INPP4B: variants seen among roughly 807,000 people sequenced by gnomAD.
The protein encoded by INPP4B is inositol polyphosphate-4-phosphatase type II B.
INPP4B carries 55 observed loss-of-function variants against 122.5 expected under a neutral mutation model. That is an observed-to-expected ratio of 0.45 (90% CI 0.36 to 0.56). The LOEUF (loss-of-function observed/expected upper bound fraction) is 0.56. INPP4B is among the 20% of genes least tolerant of loss of function. The pLI is 0.00. For synonymous variants in INPP4B, 403 were observed against 388.7 expected (o/e 1.04, Z -0.43); for missense variants, 1,000 against 1,097.7 (o/e 0.91, Z 1.26).
intron 3 of INPP4B, among the ~76,000 whole-genome samples, chr4:142,433,058 T>C (rs747014816): frequency 1.3e-5 from 2 of 152,132 alleles, no homozygotes; most frequent in Non-Finnish European, 2.9e-5. Context: ...TTAGAGAGAA[T>C]GAAGTTAAAT....
chr4:142,192,354 A>AAAAAAAAAAAAAAG lies in INPP4B; in HGVS notation c.1181+732_1181+733insCTTTTTTTTTTTTT, dbSNP rs148371542. Among the ~76,000 whole-genome samples, 63 of 73,178 alleles carry AAAAAAAAAAAAAAG rather than the reference A, an allele frequency of 8.6e-4. 15 individuals carry two copies. Among genetic ancestry groups the AAAAAAAAAAAAAAG allele is most frequent in the East Asian group, 2.0e-3 (4 of 2,048 alleles). 48.0% of individuals were successfully genotyped at this position (73,178 alleles called of 152,430 possible). A position where few individuals can be genotyped will look rare whatever the true frequency, so the allele number is the denominator to read the frequency against. ...AAAGTAAAAAAAAAAAAAAAAAAAAATGGGATTCTTAAGAAGAATAACTAT... is the reference window on the plus strand; with the variant it reads ...AAAGTAAAAAAAAAAAAAAAAAAAAAAAAAAAAAAAAAAGTGGGATTCTTAAGAAGAATAACTAT... On this transcript the variant is annotated intron_variant, in intron 15 of 25. Coordinates refer to ENST00000262992, the MANE Select transcript of INPP4B (RefSeq NM_001101669.3).
At chr4:142,162,345 G>C (rs904936781) in intron 16 of INPP4B, among the ~76,000 whole-genome samples, 3 of 151,546 alleles carry the variant, frequency 2.0e-5, no homozygotes, top group Non-Finnish European at 4.4e-5. Context: ...AAATTGGCTA[G>C]ACAGTACTCA....
chr4:142,747,667 T>C (rs1287769248), intron 1 of INPP4B, among the ~76,000 whole-genome samples: 3 of 152,150 alleles, frequency 2.0e-5, no homozygotes, highest in Admixed American at 6.6e-5. Flanking sequence ...GTGGCACATA[T>C]ACAGCATGGA....
intron 2 of INPP4B, among the ~76,000 whole-genome samples, chr4:142,566,483 A>G (rs1418575546): frequency 6.6e-6 from 1 of 152,192 alleles, no homozygotes. Context: ...AAGGAATGTG[A>G]TCCTGTACTT....
chr4:142,737,140 G>C (rs1424266031), intron 1 of INPP4B, among the ~76,000 whole-genome samples: 1 of 152,134 alleles, frequency 6.6e-6, no homozygotes, highest in Non-Finnish European at 1.5e-5. Context: ...CCAAAAAAGA[G>C]CCTGCATTGC....
chr4:142,367,810 T>G (rs888698410), intron 7 of INPP4B, among the ~76,000 whole-genome samples: 1 of 152,172 alleles, frequency 6.6e-6, no homozygotes, highest in Non-Finnish European at 1.5e-5. Context: ...GTATGCAGTT[T>G]ATTTATTTGG....
At position 142,026,858 on chromosome 4, in the gene INPP4B, T is replaced by TAA. The variant is rs2152247442; in HGVS notation, c.*1922_*1923dup. The TAA allele has an allele frequency of 6.6e-6, 1 of 152,326 alleles. No individual in the cohort carries two copies. The highest frequency in any genetic ancestry group is 2.1e-4 in the South Asian group (1 of 4,830). 9.4% of individuals were successfully genotyped at this position (152,326 alleles called of 1,614,324 possible). A position where few individuals can be genotyped will look rare whatever the true frequency, so the allele number is the denominator to read the frequency against. On this transcript the variant is annotated 3_prime_UTR_variant, in exon 26 of 26. Coordinates refer to ENST00000262992, the MANE Select transcript of INPP4B (RefSeq NM_001101669.3). ...AAATACAAATAAAAATTATTGCTTA[T>TAA]AAGAGTATTTACAGAATGATAAATT...
chr4:142,405,489 G>T (rs1803119531), intron 5 of INPP4B, among the ~76,000 whole-genome samples, 165 bp from the exon 6 acceptor site: 2 of 152,186 alleles, frequency 1.3e-5, no homozygotes. Context: ...TACAGAAATA[G>T]GAAGTCACGT....
At chr4:142,185,541 T>G (rs1356436210) in intron 15 of INPP4B, among the ~76,000 whole-genome samples, 2 of 151,966 alleles carry the variant, frequency 1.3e-5, no homozygotes, top group Non-Finnish European at 2.9e-5. Context: ...ACTTCTAAAA[T>G]TTAACTACCT....
At chr4:142,214,591 C>T (rs113568010) in intron 12 of INPP4B, among the ~76,000 whole-genome samples, 3,903 of 152,272 alleles carry the variant, frequency 0.026, 98 homozygotes, top group Non-Finnish European at 0.037. Context: ...CTCGCTCTGC[C>T]GCCCAGGCTG....
chr4:142,295,059 G>T (rs1037783074), intron 9 of INPP4B, among the ~76,000 whole-genome samples: 1 of 151,998 alleles, frequency 6.6e-6, no homozygotes, highest in Non-Finnish European at 1.5e-5. Flanking sequence ...TCTAGCTTGG[G>T]CTACATTTAG....
intron 21 of INPP4B, among the ~76,000 whole-genome samples, chr4:142,117,157 G>C (rs1793978526): frequency 6.6e-6 from 1 of 152,092 alleles, no homozygotes; most frequent in Non-Finnish European, 1.5e-5. Context: ...CTCTGAAATT[G>C]AGGCAATAAT....
chr4:142,696,879 T>TAAC (rs1761102622), intron 2 of INPP4B, among the ~76,000 whole-genome samples: 1 of 152,214 alleles, frequency 6.6e-6, no homozygotes, highest in Admixed American at 6.5e-5. Flanking sequence ...GTTTTACTTG[T>TAAC]TTTTATAACA....
At chr4:142,210,471 C>A in intron 12 of INPP4B, among the ~76,000 whole-genome samples, 1 of 151,546 alleles carries the variant, frequency 6.6e-6, no homozygotes, top group Non-Finnish European at 1.5e-5. Flanking sequence ...AAATCATGAC[C>A]AAAAGAGAGA....
intron 1 of INPP4B, among the ~76,000 whole-genome samples, chr4:142,842,183 C>A (rs967678918): frequency 1.3e-5 from 2 of 151,144 alleles, no homozygotes; most frequent in African/African-American, 2.4e-5. Context: ...TCACTTAGTT[C>A]TTCATAGGGC....
intron 7 of INPP4B, among the ~76,000 whole-genome samples, chr4:142,360,865 A>C (rs1785156265): frequency 6.6e-6 from 1 of 151,968 alleles, no homozygotes; most frequent in Non-Finnish European, 1.5e-5. Flanking sequence ...AAGTGACTCA[A>C]AATCTGTATC....
chr4:142,828,426 A>T (rs1781696374), intron 1 of INPP4B, among the ~76,000 whole-genome samples: 2 of 152,176 alleles, frequency 1.3e-5, no homozygotes, highest in South Asian at 4.1e-4. Context: ...AGTTCTGAGA[A>T]TGAAAAAAAT....
chr4:142,416,415 G>A (rs1318220216), intron 5 of INPP4B, among the ~76,000 whole-genome samples: 1 of 152,036 alleles, frequency 6.6e-6, no homozygotes, highest in Non-Finnish European at 1.5e-5. Flanking sequence ...GATGGTGGTT[G>A]GTTAAGGGCT....
chr4:142,576,424 T>C (rs1733858416), intron 2 of INPP4B, among the ~76,000 whole-genome samples: 1 of 152,032 alleles, frequency 6.6e-6, no homozygotes, highest in South Asian at 2.1e-4. Context: ...TTCTACATTA[T>C]GACCAATTTT....
Sources: gnomAD v4.1 joint callset for allele counts (sites outside exome capture counted in the v4.1 genomes callset) on GRCh38, gnomAD v4.1.1 for gene constraint, MANE v1.5 for transcripts, NCBI Gene and HGNC (gene_info 2026-07-23, HGNC 2026-07-21) for gene names.